Variants in PRKCH observed in about 807,000 individuals in gnomAD.
The protein encoded by PRKCH is protein kinase C eta.
PRKCH carries 28 observed loss-of-function variants against 82.5 expected under a neutral mutation model. The observed-to-expected ratio is 0.34, with a 90% confidence interval of 0.25 to 0.47. The LOEUF is 0.47. PRKCH is among the 20% of genes least tolerant of loss of function. The pLI, the probability that PRKCH is intolerant of heterozygous loss-of-function variation, is 1.00. For missense variants in PRKCH, 705 were observed against 881.8 expected (o/e 0.80, Z 2.54); for synonymous variants, 322 against 327.4 (o/e 0.98, Z 0.18).
At chr14:61,313,386 T>C (rs2045539355) in intron 1 of PRKCH, among the ~76,000 whole-genome samples, 1 of 152,216 alleles carries the variant, frequency 6.6e-6, no homozygotes, top group Admixed American at 6.5e-5. Flanking sequence ...TAAACCATAT[T>C]CACATGCTTC....
intron 1 of PRKCH, among the ~76,000 whole-genome samples, chr14:61,237,261 A>G (rs993341144): frequency 2.6e-5 from 4 of 151,144 alleles, no homozygotes; most frequent in Non-Finnish European, 5.9e-5. Flanking sequence ...AAAAAAAAAG[A>G]TACCAAATTC....
At chr14:61,350,258 T>C (rs1471741106) in intron 1 of PRKCH, among the ~76,000 whole-genome samples, 1 of 152,236 alleles carries the variant, frequency 6.6e-6, no homozygotes, top group Non-Finnish European at 1.5e-5. Flanking sequence ...TTGTTCTAAA[T>C]ACTTGAAAGC....
intron 6 of PRKCH, among the ~76,000 whole-genome samples, chr14:61,451,428 A>G (rs915970142): frequency 3.3e-5 from 5 of 152,256 alleles, no homozygotes; most frequent in African/African-American, 1.2e-4. Flanking sequence ...ATGGCAGAAT[A>G]GATCTGATGA....
chr14:61,232,906 C>T (rs2044755988), intron 1 of PRKCH, among the ~76,000 whole-genome samples: 1 of 152,102 alleles, frequency 6.6e-6, no homozygotes, highest in Non-Finnish European at 1.5e-5. Flanking sequence ...CTCATTAGCA[C>T]AGAAAAAGAC....
chr14:61,462,332 G>A (rs1198646194), intron 9 of PRKCH, among the ~76,000 whole-genome samples: 3 of 152,216 alleles, frequency 2.0e-5, no homozygotes, highest in Non-Finnish European at 4.4e-5. Flanking sequence ...AGAGGTTGCA[G>A]TGAGCCAAGA....
chr14:61,340,221 GTTC>G (rs1395695029), intron 1 of PRKCH, among the ~76,000 whole-genome samples: 1 of 152,090 alleles, frequency 6.6e-6, no homozygotes, highest in Non-Finnish European at 1.5e-5. Flanking sequence ...AGTCAGGTCA[GTTC>G]TTCTTTGTCT....
chr14:61,211,290 A>C (rs578201759), intron 1 of PRKCH, among the ~76,000 whole-genome samples: 2 of 152,356 alleles, frequency 1.3e-5, no homozygotes, highest in South Asian at 4.1e-4. Flanking sequence ...ACAGTGCCGC[A>C]GTGCATGGCA....
At chr14:61,433,534 G>A (rs1416717703) in intron 2 of PRKCH, among the ~76,000 whole-genome samples, 1 of 152,166 alleles carries the variant, frequency 6.6e-6, no homozygotes, top group Non-Finnish European at 1.5e-5. Context: ...CTTGAAGGCT[G>A]GGGTGGGGGT....
chr14:61,469,795 G>A (rs916171529), intron 9 of PRKCH, among the ~76,000 whole-genome samples: 1 of 152,152 alleles, frequency 6.6e-6, no homozygotes, highest in African/African-American at 2.4e-5. Context: ...CAGACTCGTC[G>A]TGTAGAGAGT....
chr14:61,190,076 T>C (rs182366706), intron 1 of PRKCH, among the ~76,000 whole-genome samples: 439 of 152,350 alleles, frequency 2.9e-3, no homozygotes, highest in African/African-American at 8.9e-3. Flanking sequence ...CTTCTTTATC[T>C]GCAAAACAGA....
At chr14:61,358,846 G>A (rs1329565275) in intron 1 of PRKCH, among the ~76,000 whole-genome samples, 1 of 152,010 alleles carries the variant, frequency 6.6e-6, no homozygotes, top group Non-Finnish European at 1.5e-5. Context: ...ACCTTTGTTA[G>A]CGACACTGCT....
intron 1 of PRKCH, among the ~76,000 whole-genome samples, chr14:61,226,656 T>C (rs1379057307): frequency 6.6e-6 from 1 of 152,238 alleles, no homozygotes; most frequent in East Asian, 1.9e-4. Flanking sequence ...AAGCATTGTA[T>C]TTGGCAGTGG....
chr14:61,395,191 T>C (rs1282378860), intron 2 of PRKCH, among the ~76,000 whole-genome samples: 1 of 152,054 alleles, frequency 6.6e-6, no homozygotes, highest in East Asian at 1.9e-4. Context: ...GGGGCTCAGC[T>C]TGAGCTTGCA....
intron 1 of PRKCH, 91 bp from the exon 2 acceptor site, chr14:61,391,134 A>C (rs2046673381): frequency 1.0e-6 from 1 of 995,874 alleles, no homozygotes; most frequent in Admixed American, 2.8e-5. Flanking sequence ...GCTGTGATTT[A>C]CACATTAGGC....
intron 1 of PRKCH, among the ~76,000 whole-genome samples, chr14:61,206,722 T>C (rs1324148020): frequency 6.6e-6 from 1 of 151,652 alleles, no homozygotes; most frequent in African/African-American, 2.4e-5. Flanking sequence ...CAGAGAAAGG[T>C]GAAGGTGACC....
intron 12 of PRKCH, chr14:61,537,556 A>G (rs1312032768): frequency 6.6e-6 from 1 of 152,170 alleles, no homozygotes. Flanking sequence ...GTCCCAGGCG[A>G]GTCAGCAGAG....
intron 9 of PRKCH, among the ~76,000 whole-genome samples, chr14:61,467,480 G>A (rs1426707779): frequency 6.6e-6 from 1 of 152,214 alleles, no homozygotes; most frequent in African/African-American, 2.4e-5. Flanking sequence ...CCAGCCGCTG[G>A]ATGTGGGGAG....
chr14:61,501,032 AC>A (rs139680532), intron 10 of PRKCH, among the ~76,000 whole-genome samples: 2 of 152,114 alleles, frequency 1.3e-5, no homozygotes, highest in African/African-American at 4.8e-5. Flanking sequence ...TTTAAAACTT[AC>A]CCCCACAATG....
chr14:61,517,971 C>T (rs2042851149), intron 10 of PRKCH, among the ~76,000 whole-genome samples: 1 of 152,202 alleles, frequency 6.6e-6, no homozygotes, highest in Non-Finnish European at 1.5e-5. Context: ...AGAAAACCTT[C>T]ATTTCCTTGT....
Sources: gnomAD v4.1 joint callset for allele counts (sites outside exome capture counted in the v4.1 genomes callset) on GRCh38, gnomAD v4.1.1 for gene constraint, MANE v1.5 for transcripts, NCBI Gene and HGNC (gene_info 2026-07-23, HGNC 2026-07-21) for gene names.